Variants in SDK1 observed in about 807,000 individuals in gnomAD.
SDK1 encodes the protein sidekick cell adhesion molecule 1.
A neutral mutation model predicts 245.5 loss-of-function variants in SDK1; 157 were observed. That is an observed-to-expected ratio of 0.64 (90% CI 0.56 to 0.73). SDK1 has a LOEUF of 0.73. Among genes scored for constraint, SDK1 ranks in the 30% least tolerant of loss-of-function variants. The probability of loss-of-function intolerance (pLI) is 0.00; values close to 1 mark genes in which losing one functional copy is unlikely to be tolerated. For synonymous variants in SDK1, 1,647 were observed against 1,278.5 expected (o/e 1.29, Z -6.15); for missense variants, 3,583 against 3,002.3 (o/e 1.19, Z -4.52).
intron 1 of SDK1, among the ~76,000 whole-genome samples, chr7:3,582,319 T>C (rs1307179240): frequency 3.2e-3 from 427 of 132,186 alleles, no homozygotes; most frequent in Non-Finnish European, 4.4e-3. Flanking sequence ...GGTAGGTCTG[T>C]CTCAGGTAGG....
intron 4 of SDK1, among the ~76,000 whole-genome samples, chr7:3,714,295 T>A (rs1337115364): frequency 6.6e-6 from 1 of 152,194 alleles, no homozygotes; most frequent in Non-Finnish European, 1.5e-5. Context: ...ACTTCCTTAT[T>A]GTAAAATATG....
intron 14 of SDK1, among the ~76,000 whole-genome samples, chr7:4,004,603 C>T (rs567721085): frequency 6.6e-6 from 1 of 152,128 alleles, no homozygotes; most frequent in Non-Finnish European, 1.5e-5. Context: ...TAAATACACA[C>T]AAAAATATAG....
At chr7:3,388,165 G>C (rs1781656469) in intron 1 of SDK1, among the ~76,000 whole-genome samples, 1 of 152,074 alleles carries the variant, frequency 6.6e-6, no homozygotes, top group Non-Finnish European at 1.5e-5. Flanking sequence ...CTAGTCTTCA[G>C]TTATTTTAGT....
intron 5 of SDK1, among the ~76,000 whole-genome samples, chr7:3,841,948 G>A (rs895155635): frequency 3.3e-5 from 5 of 152,324 alleles, no homozygotes; most frequent in African/African-American, 1.2e-4. Context: ...TTACATGACA[G>A]GTGGCCTCAG....
intron 4 of SDK1, among the ~76,000 whole-genome samples, chr7:3,683,799 G>A (rs1784189241): frequency 1.3e-5 from 2 of 152,192 alleles, no homozygotes; most frequent in Non-Finnish European, 1.5e-5. Flanking sequence ...ACAAGGAGCT[G>A]TAAAAACCTC....
chr7:3,628,439 G>A (rs530550569), intron 2 of SDK1, among the ~76,000 whole-genome samples: 1 of 152,160 alleles, frequency 6.6e-6, no homozygotes, highest in South Asian at 2.1e-4. Flanking sequence ...TTGTCCTAAG[G>A]ACATCAGTGT....
chr7:3,836,437 T>G (rs1362078981), intron 5 of SDK1, among the ~76,000 whole-genome samples: 1 of 152,220 alleles, frequency 6.6e-6, no homozygotes, highest in Non-Finnish European at 1.5e-5. Flanking sequence ...TGACTCAAGA[T>G]GTATTTACTG....
chr7:3,839,128 G>A (rs1780096656), intron 5 of SDK1, among the ~76,000 whole-genome samples: 1 of 152,186 alleles, frequency 6.6e-6, no homozygotes, highest in Non-Finnish European at 1.5e-5. Flanking sequence ...GGATCCGCCT[G>A]AGAACACGCC....
chr7:3,738,386 A>G (rs2115049096), intron 4 of SDK1, among the ~76,000 whole-genome samples: 1 of 152,196 alleles, frequency 6.6e-6, no homozygotes, highest in East Asian at 1.9e-4. Context: ...GGGCTTTCTA[A>G]TCTATTACAT....
chr7:3,628,697 T>C (rs1296162856), intron 2 of SDK1, among the ~76,000 whole-genome samples: 1 of 152,192 alleles, frequency 6.6e-6, no homozygotes, highest in African/African-American at 2.4e-5. Flanking sequence ...TGGGTCAAGA[T>C]AAAGTAACTG....
Position 3,843,575 on chromosome 7 carries a change from C to G in SDK1, c.847+21992C>G, listed in dbSNP as rs576308671. Among the ~76,000 whole-genome samples, 12 of 152,246 alleles carry G rather than the reference C, an allele frequency of 7.9e-5. No homozygotes were observed. In the South Asian group the frequency reaches 2.5e-3, roughly 32 times the overall value. On this transcript the variant is annotated intron_variant, in intron 5 of 44. Coordinates refer to ENST00000404826, the MANE Select transcript of SDK1 (RefSeq NM_152744.4). ...ACACCTGATTTTTTAATTCATTATG[C>G]TTTTGATGGAAATTAATTAGTTTCT...
chr7:3,832,639 G>C (rs543564833), intron 5 of SDK1, among the ~76,000 whole-genome samples: 1 of 152,190 alleles, frequency 6.6e-6, no homozygotes, highest in African/African-American at 2.4e-5. Flanking sequence ...CTTCGTATCT[G>C]AGATGTAAAG....
chr7:3,707,955 T>C (rs1784938760), intron 4 of SDK1, among the ~76,000 whole-genome samples: 1 of 152,226 alleles, frequency 6.6e-6, no homozygotes, highest in Admixed American at 6.5e-5. Context: ...CCTCATGTAT[T>C]AGTCTCATTG....
At chr7:3,858,427 A>C (rs768949373) in intron 5 of SDK1, among the ~76,000 whole-genome samples, 4 of 152,060 alleles carry the variant, frequency 2.6e-5, no homozygotes, top group Non-Finnish European at 4.4e-5. Flanking sequence ...ATATTTTATT[A>C]CTACATGTAT....
At chr7:3,477,625 C>T (rs1781389019) in intron 1 of SDK1, among the ~76,000 whole-genome samples, 1 of 150,644 alleles carries the variant, frequency 6.6e-6, no homozygotes, top group African/African-American at 2.5e-5. Flanking sequence ...AGGGATTCTC[C>T]TGCCTCAGCC....
chr7:4,232,955 T>A (rs4723516), intron 40 of SDK1: 40,243 of 250,380 alleles, frequency 0.16, 4,207 homozygotes, highest in Non-Finnish European at 0.21. Flanking sequence ...AAATCATACA[T>A]ACATATATTT....
chr7:3,860,875 A>T (rs1265765438), intron 5 of SDK1, among the ~76,000 whole-genome samples: 2 of 152,168 alleles, frequency 1.3e-5, no homozygotes, highest in African/African-American at 2.4e-5. Context: ...TGACCAAAAA[A>T]ACTTGATCAG....
chr7:4,248,005 A>G (rs1390568126), intron 44 of SDK1, among the ~76,000 whole-genome samples: 2 of 152,032 alleles, frequency 1.3e-5, no homozygotes, highest in African/African-American at 4.8e-5. Context: ...TCCTAAAAGC[A>G]TTTTCAACAT....
intron 1 of SDK1, among the ~76,000 whole-genome samples, chr7:3,329,455 A>T (rs1780014550): frequency 6.6e-6 from 1 of 152,206 alleles, no homozygotes; most frequent in Non-Finnish European, 1.5e-5. Flanking sequence ...AGAGTTGTGC[A>T]ACTCTCAGTA....
Sources: gnomAD v4.1 joint callset for allele counts (sites outside exome capture counted in the v4.1 genomes callset) on GRCh38, gnomAD v4.1.1 for gene constraint, MANE v1.5 for transcripts, NCBI Gene and HGNC (gene_info 2026-07-23, HGNC 2026-07-21) for gene names.